Variants in ZNF475 observed in about 807,000 individuals in gnomAD.
ZNF475 encodes zinc finger protein 475.
the ZNF475 span, among the ~76,000 whole-genome samples, chr5:122,165,125 A>C: frequency 6.6e-6 from 1 of 152,202 alleles, no homozygotes; most frequent in East Asian, 1.9e-4. Context: ...TCTGGGCTTC[A>C]ATTAAATCAC....
At chr5:122,160,399 G>A in the ZNF475 span, 3 of 540,842 alleles carry the variant, frequency 5.5e-6, no homozygotes, top group South Asian at 5.0e-5. Flanking sequence ...ACAGCCTCAT[G>A]AGTGAAATTG....
At chr5:122,179,695 C>A in the ZNF475 span, 7 of 1,526,942 alleles carry the variant, frequency 4.6e-6, no homozygotes, top group Non-Finnish European at 5.2e-6. Flanking sequence ...TTAAGGAGAC[C>A]AGTACCTAAA....
At chr5:122,175,264 C>A in the ZNF475 span, among the ~76,000 whole-genome samples, 3 of 152,082 alleles carry the variant, frequency 2.0e-5, no homozygotes, top group Non-Finnish European at 4.4e-5. Context: ...GTGTTTCCTT[C>A]TGGTTTTGAT....
the ZNF475 span, among the ~76,000 whole-genome samples, chr5:122,165,287 T>C: frequency 6.6e-6 from 1 of 152,224 alleles, no homozygotes; most frequent in Non-Finnish European, 1.5e-5. Context: ...TATTGTTTTA[T>C]TGGCTTTTGA....
At chr5:122,178,228 AG>A in the ZNF475 span, among the ~76,000 whole-genome samples, 5 of 152,218 alleles carry the variant, frequency 3.3e-5, no homozygotes, top group Non-Finnish European at 5.9e-5. Context: ...TCTTTATAGT[AG>A]AATGATTTAT....
chr5:122,178,073 C>A, the ZNF475 span, among the ~76,000 whole-genome samples: 1 of 152,270 alleles, frequency 6.6e-6, no homozygotes, highest in Middle Eastern at 3.4e-3. Context: ...AGGACATGAA[C>A]TCATCCTTTT....
chr5:122,171,812 C>T, the ZNF475 span, among the ~76,000 whole-genome samples: 12 of 151,828 alleles, frequency 7.9e-5, no homozygotes, highest in South Asian at 6.2e-4. Flanking sequence ...GATCACAGCT[C>T]GCTGCAGCCT....
chr5:122,161,249 A>G, the ZNF475 span, among the ~76,000 whole-genome samples: 3 of 152,354 alleles, frequency 2.0e-5, no homozygotes, highest in South Asian at 4.1e-4. Flanking sequence ...CAGGAACTCA[A>G]TAAGTTTCCA....
the ZNF475 span, among the ~76,000 whole-genome samples, chr5:122,172,894 A>G: frequency 6.6e-6 from 1 of 152,126 alleles, no homozygotes; most frequent in Non-Finnish European, 1.5e-5. Flanking sequence ...TTAGCTGGGC[A>G]TGGTGGCAGG....
At chr5:122,182,408 T>A in the ZNF475 span, 10 of 1,069,746 alleles carry the variant, frequency 9.3e-6, no homozygotes, top group Non-Finnish European at 1.1e-5. Context: ...TAAAAACTGA[T>A]CCATTTTACC....
At chr5:122,160,343 G>A in the ZNF475 span, 1 of 1,117,804 alleles carries the variant, frequency 8.9e-7, no homozygotes, top group Non-Finnish European at 1.2e-6. Flanking sequence ...TACATGTGTG[G>A]AATATGTGTG....
At chr5:122,166,190 A>G in the ZNF475 span, among the ~76,000 whole-genome samples, 1 of 152,238 alleles carries the variant, frequency 6.6e-6, no homozygotes, top group Non-Finnish European at 1.5e-5. Flanking sequence ...GGTGTGACAC[A>G]AGGGGAGCCT....
At chr5:122,180,625 G>T in the ZNF475 span, among the ~76,000 whole-genome samples, 5 of 152,164 alleles carry the variant, frequency 3.3e-5, no homozygotes, top group Non-Finnish European at 5.9e-5. Context: ...GGACAATGTT[G>T]GTTTTAAGAG....
the ZNF475 span, among the ~76,000 whole-genome samples, chr5:122,167,507 G>A: frequency 4.6e-5 from 7 of 152,096 alleles, no homozygotes. Context: ...CTAGCTCCTG[G>A]CAAAAATAAC....
the ZNF475 span, chr5:122,160,176 A>G: frequency 3.1e-6 from 4 of 1,271,728 alleles, no homozygotes; most frequent in South Asian, 1.2e-5. Context: ...TCATTTCTTC[A>G]TCTTTCCTTG....
At chr5:122,181,388 C>T in the ZNF475 span, among the ~76,000 whole-genome samples, 687 of 152,192 alleles carry the variant, frequency 4.5e-3, 7 homozygotes, top group African/African-American at 0.016. Flanking sequence ...GCATGAGTAA[C>T]GAGAAAGTCA....
chr5:122,168,806 C>CAACACAA, the ZNF475 span, among the ~76,000 whole-genome samples: 6 of 152,202 alleles, frequency 3.9e-5, no homozygotes, highest in Non-Finnish European at 8.8e-5. Context: ...ATTCAGGACT[C>CAACACAA]AACACAATCC....
chr5:122,165,769 A>G, the ZNF475 span, among the ~76,000 whole-genome samples: 1 of 152,186 alleles, frequency 6.6e-6, no homozygotes. Context: ...TACAAAAAAA[A>G]AAAAAAGACC....
At chr5:122,167,645 A>C in the ZNF475 span, among the ~76,000 whole-genome samples, 2 of 152,228 alleles carry the variant, frequency 1.3e-5, no homozygotes, top group African/African-American at 4.8e-5. Context: ...GTGTTTTTAA[A>C]TCAGCCTTAT....
Sources: allele counts gnomAD v4.1 joint callset (sites outside exome capture counted in the v4.1 genomes callset), GRCh38; gene constraint gnomAD v4.1.1; transcripts MANE v1.5; gene names NCBI Gene and HGNC (gene_info 2026-07-23, HGNC 2026-07-21).